The following CTNNA3 variants were observed in gnomAD, a reference collection of about 807,000 sequenced individuals.
The protein encoded by CTNNA3 is catenin alpha-3.
In CTNNA3, 76 loss-of-function variants were observed where a neutral mutation model predicts 95.7. That is an observed-to-expected ratio of 0.79 (90% CI 0.66 to 0.96). The LOEUF (loss-of-function observed/expected upper bound fraction) is 0.96. CTNNA3 is among the 40% of genes least tolerant of loss of function. The pLI is 0.00. For synonymous variants in CTNNA3, 431 were observed against 374.4 expected (o/e 1.15, Z -1.74); for missense variants, 1,191 against 1,089.8 (o/e 1.09, Z -1.31).
rs115381029 is a variant in CTNNA3, at chr10:65,933,039, G to T, written c.2401-12422C>A. ...CTATATGCCTAATAATAGACTGAAT[G>T]GTGCGTGTATGTATGCGCTTTCCAC... On this transcript the variant is annotated intron_variant, in intron 17 of 17. Transcript: ENST00000433211. Among the ~76,000 whole-genome samples, 1,497 of 152,142 alleles carry T rather than the reference G, an allele frequency of 9.8e-3. 32 individuals carry two copies. Among genetic ancestry groups the T allele is most frequent in the African/African-American group, 0.034 (1,395 of 41,518 alleles).
intron 10 of CTNNA3, among the ~76,000 whole-genome samples, chr10:66,545,247 C>A (rs1467770735): frequency 1.3e-5 from 2 of 151,866 alleles, no homozygotes; most frequent in African/African-American, 4.8e-5. Flanking sequence ...GCTAATTTTT[C>A]TTTTTAATGT....
intron 3 of CTNNA3, among the ~76,000 whole-genome samples, chr10:67,562,147 G>C (rs975023268): frequency 6.6e-6 from 1 of 152,162 alleles, no homozygotes; most frequent in Non-Finnish European, 1.5e-5. Context: ...TATGAGGTCA[G>C]CATCATCCTG....
At chr10:67,251,203 CATT>C (rs1866094890) in intron 5 of CTNNA3, among the ~76,000 whole-genome samples, 1 of 152,082 alleles carries the variant, frequency 6.6e-6, no homozygotes, top group African/African-American at 2.4e-5. Flanking sequence ...ATCTTGAAAA[CATT>C]ATGCTAAGTA....
intron 5 of CTNNA3, among the ~76,000 whole-genome samples, chr10:67,374,490 C>T (rs1023459314): frequency 6.6e-6 from 1 of 152,078 alleles, no homozygotes; most frequent in Non-Finnish European, 1.5e-5. Flanking sequence ...AAGAGTTATT[C>T]ATATTCTTAT....
chr10:66,061,625 T>G (rs1262642167), intron 15 of CTNNA3, among the ~76,000 whole-genome samples: 1 of 152,006 alleles, frequency 6.6e-6, no homozygotes, highest in Non-Finnish European at 1.5e-5. Flanking sequence ...ACCTATCACT[T>G]TCTTCATGCC....
At chr10:66,105,411 C>G (rs1274770274) in intron 13 of CTNNA3, among the ~76,000 whole-genome samples, 1 of 152,134 alleles carries the variant, frequency 6.6e-6, no homozygotes, top group African/African-American at 2.4e-5. Flanking sequence ...TTTCTTGTGC[C>G]CTGTTGTTTT....
intron 7 of CTNNA3, among the ~76,000 whole-genome samples, chr10:66,842,264 T>A (rs10159480): frequency 0.095 from 14,480 of 151,940 alleles, 1,267 homozygotes; most frequent in East Asian, 0.34. Context: ...AATCTACACA[T>A]CAACCTTTCA....
intron 9 of CTNNA3, among the ~76,000 whole-genome samples, chr10:66,692,644 C>T (rs1296547228): frequency 1.3e-5 from 2 of 152,022 alleles, no homozygotes; most frequent in Non-Finnish European, 2.9e-5. Flanking sequence ...AAGAGCAACT[C>T]CAAGACACAT....
chr10:66,737,382 C>T (rs1343568926), intron 9 of CTNNA3, among the ~76,000 whole-genome samples: 1 of 152,128 alleles, frequency 6.6e-6, no homozygotes, highest in Non-Finnish European at 1.5e-5. Context: ...ATCATGCCCA[C>T]ACCACTGTAT....
chr10:65,967,280 A>T (rs1224897582), intron 16 of CTNNA3, among the ~76,000 whole-genome samples: 1 of 152,160 alleles, frequency 6.6e-6, no homozygotes, highest in East Asian at 1.9e-4. Flanking sequence ...TAATTTTTAG[A>T]CATAAAAAGG....
rs1354913025 is a variant in CTNNA3 at position 66,745,585 on chromosome 10, GC to G, written c.1281+20678del. Among the ~76,000 whole-genome samples, 21 of 128,292 alleles carry G rather than the reference GC, an allele frequency of 1.6e-4. No individual in the cohort carries two copies. The East Asian group carries it at 3.5e-3, about 21-fold the overall frequency. The allele number at this position is 128,292 out of a possible 152,430, so 84.2% of individuals were successfully genotyped here. On this transcript the variant is annotated intron_variant, in intron 9 of 17. Transcript: ENST00000433211. Reference sequence around the variant, plus strand: ...GATCTAATGGTATATAATGCAGACAGCCTTTTTTTTTTTTTTTTTTTTGAGA... The same window carrying G: ...GATCTAATGGTATATAATGCAGACAGCTTTTTTTTTTTTTTTTTTTTGAGA...
At chr10:66,175,291 A>T (rs1172584338) in intron 13 of CTNNA3, among the ~76,000 whole-genome samples, 1 of 152,126 alleles carries the variant, frequency 6.6e-6, no homozygotes, top group Admixed American at 6.6e-5. Flanking sequence ...CTTTTCTTCT[A>T]CAACTGAGGG....
chr10:67,442,882 T>C (rs1846578312), intron 5 of CTNNA3, among the ~76,000 whole-genome samples: 2 of 151,352 alleles, frequency 1.3e-5, no homozygotes, highest in Admixed American at 6.6e-5. Context: ...GTCATGCTGG[T>C]GTGCTGCACC....
intron 12 of CTNNA3, among the ~76,000 whole-genome samples, chr10:66,315,386 G>A (rs2092086970): frequency 1.3e-5 from 2 of 151,902 alleles, no homozygotes; most frequent in Admixed American, 6.6e-5. Context: ...AACCATGAAA[G>A]AAAGGTCTTA....
At chr10:67,149,685 A>G (rs1861008216) in intron 7 of CTNNA3, among the ~76,000 whole-genome samples, 1 of 152,214 alleles carries the variant, frequency 6.6e-6, no homozygotes, top group Non-Finnish European at 1.5e-5. Flanking sequence ...TAGCTTGTCC[A>G]ACATCACAGA....
chr10:66,909,622 AG>A, intron 7 of CTNNA3, among the ~76,000 whole-genome samples: 1 of 152,336 alleles, frequency 6.6e-6, no homozygotes. Flanking sequence ...GAAGCAAATA[AG>A]AGAGCAATAA....
intron 5 of CTNNA3, among the ~76,000 whole-genome samples, chr10:67,415,992 G>T (rs1228082445): frequency 6.6e-6 from 1 of 152,012 alleles, no homozygotes; most frequent in Non-Finnish European, 1.5e-5. Context: ...ATACAAGAAT[G>T]AACTCAAAAT....
chr10:67,667,380 G>A (rs1244142517), intron 1 of CTNNA3, among the ~76,000 whole-genome samples: 1 of 151,852 alleles, frequency 6.6e-6, no homozygotes, highest in African/African-American at 2.4e-5. Context: ...AATTTATCTT[G>A]GCTGAAGATA....
intron 2 of CTNNA3, among the ~76,000 whole-genome samples, chr10:67,636,720 C>T (rs1199201523): frequency 6.6e-6 from 1 of 152,150 alleles, no homozygotes; most frequent in Non-Finnish European, 1.5e-5. Context: ...ATTCGCTGTT[C>T]TGCAGACTCC....
Sources: allele counts gnomAD v4.1 joint callset (sites outside exome capture counted in the v4.1 genomes callset), GRCh38; gene constraint gnomAD v4.1.1; transcripts MANE v1.5; gene names NCBI Gene and HGNC (gene_info 2026-07-23, HGNC 2026-07-21).